Variants in SAMD3 observed in about 807,000 individuals in gnomAD.
SAMD3 encodes sterile alpha motif domain-containing protein 3.
A neutral mutation model predicts 58.5 loss-of-function variants in SAMD3; 63 were observed. The ratio of observed to expected loss-of-function variants is 1.08; its 90% CI spans 0.88 to 1.33. The LOEUF (loss-of-function observed/expected upper bound fraction) is 1.33. Among genes scored for constraint, SAMD3 ranks in the 40% most tolerant of loss-of-function variants. The pLI is 0.00. For synonymous variants in SAMD3, 220 were observed against 210.3 expected, an observed-to-expected ratio of 1.05 and a Z score of -0.40; for missense variants, 604 against 608.4, an observed-to-expected ratio of 0.99 and a Z score of 0.08.
At position 130,144,456 on chromosome 6, in the gene SAMD3, A is replaced by T; in HGVS notation, c.*64T>A. The T allele has an allele frequency of 6.5e-7, 1 of 1,526,872 alleles. No individual in the cohort carries two copies. Among genetic ancestry groups the T allele is most frequent in the Non-Finnish European group, 8.9e-7 (1 of 1,128,660 alleles). 94.6% of individuals were successfully genotyped at this position (1,526,872 alleles called of 1,614,324 possible). A position where few individuals can be genotyped will look rare whatever the true frequency, so the allele number is the denominator to read the frequency against. On this transcript the variant is annotated 3_prime_UTR_variant, in exon 12 of 12. Coordinates refer to ENST00000439090, the MANE Select transcript of SAMD3 (RefSeq NM_001017373.4). ...TACCTCTACCACAACCCTAAATCAA[A>T]ACAATTTCTTATGAAGCTTCAGTTT...
Position 130,176,009 on chromosome 6 carries a change from C to T in SAMD3, c.655-1G>A, listed in dbSNP as rs757849634. ...CTTTGAGGGCTCGTTTCCATAAAAA[C>T]TGTAAAATAAAACAGACCAGTTAAT... On this transcript the variant is annotated splice_acceptor_variant, in intron 7 of 11. Transcript: ENST00000439090. LOFTEE classifies it high-confidence loss of function. 6.8e-6 allele frequency: 11 copies of T among 1,611,694 alleles called. No homozygotes were observed. The East Asian group carries it at 1.8e-4, about 26-fold the overall frequency.
intron 1 of SAMD3, among the ~76,000 whole-genome samples, chr6:130,334,209 G>A (rs1030752060): frequency 2.0e-5 from 3 of 152,200 alleles, no homozygotes; most frequent in Middle Eastern, 3.4e-3. Context: ...GCACAACCAC[G>A]CTCATTGCTT....
intron 1 of SAMD3, among the ~76,000 whole-genome samples, chr6:130,345,295 T>C (rs914663230): frequency 6.6e-6 from 1 of 151,922 alleles, no homozygotes; most frequent in Non-Finnish European, 1.5e-5. Context: ...AGCCTAGGAA[T>C]GAAAAAGGCA....
intron 2 of SAMD3, among the ~76,000 whole-genome samples, chr6:130,253,040 C>A (rs546919399): frequency 3.9e-4 from 60 of 152,282 alleles, no homozygotes; most frequent in Middle Eastern, 3.4e-3. Flanking sequence ...TTTTTCCATG[C>A]CTCTGCAGGA....
At chr6:130,300,271 G>T (rs1393515950) in intron 2 of SAMD3, among the ~76,000 whole-genome samples, 1 of 152,120 alleles carries the variant, frequency 6.6e-6, no homozygotes, top group Non-Finnish European at 1.5e-5. Context: ...AATCAAGAGG[G>T]TTTTATTCCT....
intron 2 of SAMD3, among the ~76,000 whole-genome samples, chr6:130,311,060 G>C (rs1259382235): frequency 1.3e-5 from 2 of 152,142 alleles, no homozygotes; most frequent in Admixed American, 6.5e-5. Flanking sequence ...AGAGAGTAAA[G>C]CTGAGCCAGG....
intron 1 of SAMD3, among the ~76,000 whole-genome samples, chr6:130,317,017 C>T (rs1776399463): frequency 6.6e-6 from 1 of 152,162 alleles, no homozygotes; most frequent in South Asian, 2.1e-4. Flanking sequence ...CACATCAGGC[C>T]TTCTGACTCC....
At chr6:130,181,028 A>G (rs149628769) in intron 7 of SAMD3, among the ~76,000 whole-genome samples, 12 of 142,954 alleles carry the variant, frequency 8.4e-5, no homozygotes, top group Non-Finnish European at 1.7e-4. Flanking sequence ...GCTCACTGCA[A>G]CCTCGGCCTC....
chr6:130,255,521 T>C (rs552707217), intron 2 of SAMD3, among the ~76,000 whole-genome samples: 1 of 152,362 alleles, frequency 6.6e-6, no homozygotes, highest in African/African-American at 2.4e-5. Flanking sequence ...ATCCTCTTGA[T>C]GAATTGATCG....
rs558598866 is a variant in SAMD3 at position 130,201,307 on chromosome 6, C to T, written c.383+8188G>A. ...GCAGTAGTTTTCAATTCTCACTATACATTATAATTACTTGTGGAACCTTAA... is the reference window on the plus strand; with the variant it reads ...GCAGTAGTTTTCAATTCTCACTATATATTATAATTACTTGTGGAACCTTAA... On this transcript the variant is annotated intron_variant, in intron 5 of 11. Transcript: ENST00000439090. Among the ~76,000 whole-genome samples the T allele has an allele frequency of 2.6e-5, 4 of 152,226 alleles. No homozygotes were observed. The East Asian group carries it at 7.7e-4, about 29-fold the overall frequency.
rs1175977658 is a variant in SAMD3 at position 130,209,492 on chromosome 6, C to T, written c.383+3G>A. Reference sequence around the variant, plus strand: ...TAAACTGTCTTAAAGTTGGTACCCCCACCTCTGTTTCAATACTCTTTGGTC... The same window carrying T: ...TAAACTGTCTTAAAGTTGGTACCCCTACCTCTGTTTCAATACTCTTTGGTC... On this transcript the variant is annotated splice_donor_region_variant and intron_variant, in intron 5 of 11. Transcript: ENST00000439090. The T allele has an allele frequency of 2.6e-6, 4 of 1,543,162 alleles. No individual in the cohort carries two copies. Among genetic ancestry groups the T allele is most frequent in the Non-Finnish European group, 2.7e-6 (3 of 1,116,052 alleles).
At chr6:130,176,143 A>G (rs762906433) in intron 7 of SAMD3, 135 bp from the exon 8 acceptor site, 4 of 732,952 alleles carry the variant, frequency 5.5e-6, no homozygotes, top group African/African-American at 3.5e-5. Context: ...TAATAGAAAC[A>G]ATATATCTAT....
intron 9 of SAMD3, among the ~76,000 whole-genome samples, chr6:130,146,839 A>G (rs72993095): frequency 0.11 from 16,110 of 152,042 alleles, 1,023 homozygotes; most frequent in Admixed American, 0.15. Context: ...TGGGCATGGC[A>G]ACATACGTGT....
chr6:130,151,477 T>C (rs1789179583), intron 9 of SAMD3, among the ~76,000 whole-genome samples: 1 of 152,208 alleles, frequency 6.6e-6, no homozygotes, highest in Admixed American at 6.5e-5. Context: ...GTTTCACTCT[T>C]GTTGCCCAGA....
At chr6:130,230,298 G>A (rs935682945) in intron 2 of SAMD3, among the ~76,000 whole-genome samples, 1 of 152,142 alleles carries the variant, frequency 6.6e-6, no homozygotes, top group Non-Finnish European at 1.5e-5. Flanking sequence ...CTGGGCAGGG[G>A]GACTTTTTTG....
At chr6:130,358,220 A>G (rs1003816886) in intron 1 of SAMD3, among the ~76,000 whole-genome samples, 9 of 152,190 alleles carry the variant, frequency 5.9e-5, no homozygotes, top group African/African-American at 1.9e-4. Context: ...GTTTTGAAGT[A>G]AATTATTCTT....
intron 2 of SAMD3, among the ~76,000 whole-genome samples, chr6:130,244,384 A>G (rs78550364): frequency 6.6e-6 from 1 of 152,146 alleles, no homozygotes; most frequent in Admixed American, 6.5e-5. Flanking sequence ...TTCATTCTCT[A>G]GCTATGCAAT....
intron 8 of SAMD3, among the ~76,000 whole-genome samples, chr6:130,163,335 G>A (rs1790431260): frequency 6.6e-6 from 1 of 152,178 alleles, no homozygotes; most frequent in Non-Finnish European, 1.5e-5. Context: ...CTATTGGACA[G>A]TGTTGTGTTA....
intron 2 of SAMD3, among the ~76,000 whole-genome samples, chr6:130,292,073 A>C (rs1775380304): frequency 6.6e-6 from 1 of 152,174 alleles, no homozygotes; most frequent in Non-Finnish European, 1.5e-5. Flanking sequence ...ATGAATAAGA[A>C]GTCCATTTTT....
Sources: gnomAD v4.1 joint callset for allele counts (sites outside exome capture counted in the v4.1 genomes callset) on GRCh38, gnomAD v4.1.1 for gene constraint, MANE v1.5 for transcripts, NCBI Gene and HGNC (gene_info 2026-07-23, HGNC 2026-07-21) for gene names.